The following NLK variants were observed in gnomAD, a reference collection of about 807,000 sequenced individuals.
NLK encodes nemo like kinase, also known as serine/threonine-protein kinase NLK.
NLK carries 11 observed loss-of-function variants against 59.0 expected under a neutral mutation model. That is an observed-to-expected ratio of 0.19 (90% CI 0.12 to 0.31). The LOEUF (loss-of-function observed/expected upper bound fraction) is 0.31, where lower values mean the gene tolerates loss of function less well. Ranked by LOEUF, NLK falls within the 10% of genes least tolerant of loss-of-function variation. The pLI is 1.00. For missense variants in NLK, 410 were observed against 661.1 expected, an observed-to-expected ratio of 0.62 and a Z score of 4.16; for synonymous variants, 235 against 235.9, an observed-to-expected ratio of 1.00 and a Z score of 0.03.
At position 28,042,754 on chromosome 17, in the gene NLK, CTGA is replaced by C; in HGVS notation, c.-116_-114del. On this transcript the variant is annotated 5_prime_UTR_variant, in exon 1 of 11. The change abolishes an upstream ATG in the 5' untranslated region. Coordinates refer to ENST00000407008, the MANE Select transcript of NLK (RefSeq NM_016231.5). ...AGATCCTCTAACTTGTTTGGATTGA[CTGA>C]TGAAGACATAAAGCTCTATGTTTTT... The C allele has an allele frequency of 1.1e-6, 1 of 899,350 alleles. No individual in the cohort carries two copies. Among genetic ancestry groups the C allele is most frequent in the Middle Eastern group, 2.2e-4 (1 of 4,486 alleles). The allele number at this position is 899,350 out of a possible 1,614,324, so 55.7% of individuals were successfully genotyped here.
chr17:28,151,349 TC>T (rs1209432423), intron 3 of NLK, among the ~76,000 whole-genome samples: 10 of 152,286 alleles, frequency 6.6e-5, no homozygotes, highest in Middle Eastern at 3.4e-3. Context: ...TGTTAGAGCT[TC>T]AAATTCAGGA....
Position 28,082,981 on chromosome 17 carries a change from G to T in NLK, c.459-39622G>T, listed in dbSNP as rs1910398641. On this transcript the variant is annotated intron_variant, in intron 1 of 10. Transcript: ENST00000407008. The stretch of plus-strand genomic sequence containing the variant: ...AGTATTTTGGTTGGTCATAAAAACT[G>T]TATGCAGAGGACTGTCTATTTGGAA... 2.0e-5 allele frequency among the ~76,000 whole-genome samples: 3 copies of T among 152,282 alleles called. No individual in the cohort carries two copies. The South Asian group carries it at 6.2e-4, about 32-fold the overall frequency.
At chr17:28,200,570 G>A (rs753082177), downstream of NLK, among the ~76,000 whole-genome samples, 1 of 152,132 alleles carries the variant, frequency 6.6e-6, no homozygotes, top group African/African-American at 2.4e-5. Context: ...TGCAACCTTC[G>A]CATCCCTGGT....
intron 3 of NLK, among the ~76,000 whole-genome samples, chr17:28,149,073 G>A (rs1567728270): frequency 1.3e-5 from 2 of 152,022 alleles, no homozygotes; most frequent in African/African-American, 4.8e-5. Context: ...GTTAAAAAAC[G>A]TTTTTTTGAG....
At chr17:28,099,675 T>C (rs1904835460) in intron 1 of NLK, among the ~76,000 whole-genome samples, 1 of 148,522 alleles carries the variant, frequency 6.7e-6, no homozygotes, top group South Asian at 2.1e-4. Flanking sequence ...GCTTCCCGGG[T>C]TCACGCCATT....
intron 1 of NLK, chr17:28,062,048 G>A (rs1252521211): frequency 6.6e-6 from 1 of 151,118 alleles, no homozygotes; most frequent in Non-Finnish European, 1.5e-5. Context: ...TCCAGACCTG[G>A]AGGTGCCTTC....
chr17:28,064,076 T>C (rs996431999), intron 1 of NLK, among the ~76,000 whole-genome samples: 1 of 151,598 alleles, frequency 6.6e-6, no homozygotes, highest in African/African-American at 2.4e-5. Flanking sequence ...AGTAGGCTTA[T>C]CAAATTTGCT....
intron 6 of NLK, chr17:28,171,226 T>G (rs1908451096): frequency 6.6e-6 from 1 of 152,220 alleles, no homozygotes; most frequent in African/African-American, 2.4e-5. Context: ...GCTTCTCAAG[T>G]ATCTCCATTA....
chr17:28,146,829 G>A (rs1176917636), intron 3 of NLK, among the ~76,000 whole-genome samples: 1 of 152,158 alleles, frequency 6.6e-6, no homozygotes, highest in Non-Finnish European at 1.5e-5. Context: ...CACGTCCGCT[G>A]CACACTAAGA....
intron 1 of NLK, among the ~76,000 whole-genome samples, chr17:28,105,568 G>A (rs1223842883): frequency 6.6e-6 from 1 of 152,152 alleles, no homozygotes; most frequent in African/African-American, 2.4e-5. Flanking sequence ...AAAGGTTGCT[G>A]ATGTCATTTG....
chr17:28,153,587 A>G (rs180874316), intron 3 of NLK, among the ~76,000 whole-genome samples: 3 of 152,314 alleles, frequency 2.0e-5, no homozygotes, highest in Admixed American at 2.0e-4. Flanking sequence ...GGGGGTTAGC[A>G]TTTCAACCTA....
At chr17:28,079,725 A>G (rs953358778) in intron 1 of NLK, among the ~76,000 whole-genome samples, 2 of 152,078 alleles carry the variant, frequency 1.3e-5, no homozygotes, top group African/African-American at 2.4e-5. Context: ...TGTATATTCT[A>G]GGAAGTAAAC....
chr17:28,172,421 C>G (rs1908500858), intron 6 of NLK, 96 bp from the exon 7 acceptor site: 1 of 659,680 alleles, frequency 1.5e-6, no homozygotes. Context: ...GGTTTTTTCC[C>G]CCAGATTTGG....
chr17:28,079,010 A>T (rs147223696), intron 1 of NLK, among the ~76,000 whole-genome samples: 1 of 152,278 alleles, frequency 6.6e-6, no homozygotes, highest in African/African-American at 2.4e-5. Flanking sequence ...CAAAACTGAA[A>T]CTACCCATTG....
intron 3 of NLK, among the ~76,000 whole-genome samples, chr17:28,154,655 T>C (rs1296142231): frequency 1.3e-5 from 2 of 152,192 alleles, no homozygotes; most frequent in Non-Finnish European, 2.9e-5. Context: ...TTACAGTATT[T>C]TAAAACTTTT....
intron 1 of NLK, among the ~76,000 whole-genome samples, chr17:28,110,014 C>T (rs1488925692): frequency 7.2e-5 from 11 of 152,190 alleles, no homozygotes; most frequent in Non-Finnish European, 1.3e-4. Flanking sequence ...GAATTGTCAT[C>T]TTAACACCAT....
At chr17:28,180,239 G>A (rs1276659808) in intron 7 of NLK, among the ~76,000 whole-genome samples, 2 of 152,118 alleles carry the variant, frequency 1.3e-5, no homozygotes, top group East Asian at 3.8e-4. Flanking sequence ...GGTGGAGGGA[G>A]AAAATTAAAA....
intron 3 of NLK, among the ~76,000 whole-genome samples, chr17:28,158,575 T>C (rs1210809996): frequency 6.6e-6 from 1 of 152,250 alleles, no homozygotes; most frequent in Non-Finnish European, 1.5e-5. Context: ...AATATTTTAC[T>C]CTTTTGTAAT....
intron 3 of NLK, among the ~76,000 whole-genome samples, chr17:28,160,952 A>T (rs887812497): frequency 6.6e-6 from 1 of 152,152 alleles, no homozygotes; most frequent in Non-Finnish European, 1.5e-5. Flanking sequence ...TTGGTCGTTT[A>T]CTTCTGCTGA....
Sources: gnomAD v4.1 joint callset for allele counts (sites outside exome capture counted in the v4.1 genomes callset) on GRCh38, gnomAD v4.1.1 for gene constraint, MANE v1.5 for transcripts, NCBI Gene and HGNC (gene_info 2026-07-23, HGNC 2026-07-21) for gene names.